The following PTPRD variants were observed in gnomAD, a reference collection of about 807,000 sequenced individuals.
PTPRD encodes receptor-type tyrosine-protein phosphatase delta.
PTPRD carries 34 observed loss-of-function variants against 214.5 expected under a neutral mutation model. The ratio of observed to expected loss-of-function variants is 0.16; its 90% CI spans 0.12 to 0.21. The LOEUF is 0.21. PTPRD is among the 10% of genes least tolerant of loss of function. The pLI is 1.00. For missense variants in PTPRD, 2,545 were observed against 2,398.7 expected (o/e 1.06, Z -1.27); for synonymous variants, 1,128 against 845.7 (o/e 1.33, Z -5.79).
chr9:10,212,859 A>T (rs909396557), intron 3 of PTPRD, among the ~76,000 whole-genome samples: 1 of 152,162 alleles, frequency 6.6e-6, no homozygotes, highest in African/African-American at 2.4e-5. Flanking sequence ...GGCTTGAGTG[A>T]TTGCACGTCT....
At chr9:9,310,228 T>C (rs1958510876) in intron 9 of PTPRD, among the ~76,000 whole-genome samples, 1 of 151,966 alleles carries the variant, frequency 6.6e-6, no homozygotes, top group Admixed American at 6.6e-5. Flanking sequence ...AGAGAAAGCA[T>C]TTGGGGATTT....
At chr9:10,578,265 C>T (rs1188435743) in intron 2 of PTPRD, among the ~76,000 whole-genome samples, 1 of 151,962 alleles carries the variant, frequency 6.6e-6, no homozygotes, top group Non-Finnish European at 1.5e-5. Flanking sequence ...TTTCTAAACA[C>T]AATTAGATGC....
intron 10 of PTPRD, among the ~76,000 whole-genome samples, chr9:9,114,993 G>A (rs990905629): frequency 3.3e-5 from 5 of 152,108 alleles, no homozygotes; most frequent in African/African-American, 1.2e-4. Context: ...ATGGTTGTGC[G>A]CAGATTTTAG....
At chr9:9,320,266 TC>T (rs761096896) in intron 9 of PTPRD, among the ~76,000 whole-genome samples, 3 of 152,126 alleles carry the variant, frequency 2.0e-5, no homozygotes, top group Non-Finnish European at 4.4e-5. Flanking sequence ...ACTTTTTTTT[TC>T]CCTCACATAT....
intron 8 of PTPRD, among the ~76,000 whole-genome samples, chr9:9,554,678 T>C (rs1463207880): frequency 6.6e-6 from 1 of 151,950 alleles, no homozygotes; most frequent in Non-Finnish European, 1.5e-5. Context: ...TCAACTCCAG[T>C]GTCTTCAAAT....
At chr9:8,794,990 T>G (rs1452889453) in intron 11 of PTPRD, among the ~76,000 whole-genome samples, 1 of 125,268 alleles carries the variant, frequency 8.0e-6, no homozygotes. Flanking sequence ...AAAACAAAGT[T>G]GTTTATCTTC....
At chr9:8,878,191 G>A (rs1226482348) in intron 11 of PTPRD, among the ~76,000 whole-genome samples, 4 of 152,302 alleles carry the variant, frequency 2.6e-5, no homozygotes, top group African/African-American at 7.2e-5. Flanking sequence ...GTGTCTTAGT[G>A]TTCCCAGGAG....
At chr9:9,759,352 C>T (rs1450849386) in intron 6 of PTPRD, among the ~76,000 whole-genome samples, 1 of 152,054 alleles carries the variant, frequency 6.6e-6, no homozygotes, top group African/African-American at 2.4e-5. Context: ...TAGTCTTGGT[C>T]GCTCCTCAAG....
intron 2 of PTPRD, chr9:10,532,127 T>C (rs1486691601): frequency 6.6e-6 from 1 of 152,180 alleles, no homozygotes. Context: ...AGCTTATATA[T>C]AAGATTTTAG....
At chr9:9,681,319 C>G (rs2097065366) in intron 7 of PTPRD, among the ~76,000 whole-genome samples, 1 of 151,646 alleles carries the variant, frequency 6.6e-6, no homozygotes, top group African/African-American at 2.4e-5. Context: ...AATATGGACT[C>G]AACTATTATC....
intron 4 of PTPRD, among the ~76,000 whole-genome samples, chr9:9,940,327 C>T (rs2091078048): frequency 1.3e-5 from 2 of 152,182 alleles, no homozygotes; most frequent in African/African-American, 2.4e-5. Flanking sequence ...ACTAGACTAC[C>T]TATGGGACAA....
chr9:9,395,827 A>G (rs2067580249), intron 9 of PTPRD, among the ~76,000 whole-genome samples: 1 of 152,104 alleles, frequency 6.6e-6, no homozygotes, highest in South Asian at 2.1e-4. Context: ...TTCAAGCATA[A>G]TAATGACGAT....
chr9:9,966,074 T>C (rs2094675051), intron 4 of PTPRD, among the ~76,000 whole-genome samples: 1 of 152,130 alleles, frequency 6.6e-6, no homozygotes, highest in African/African-American at 2.4e-5. Context: ...CACTTTGGTA[T>C]TTACACATAG....
chr9:8,561,927 A>G (rs908821156), intron 14 of PTPRD, among the ~76,000 whole-genome samples: 3 of 152,112 alleles, frequency 2.0e-5, no homozygotes, highest in African/African-American at 7.2e-5. Context: ...ATCCATCTTG[A>G]AAAAATGCAT....
intron 14 of PTPRD, among the ~76,000 whole-genome samples, chr9:8,570,896 A>G (rs1206589130): frequency 2.0e-5 from 3 of 151,892 alleles, no homozygotes; most frequent in Non-Finnish European, 4.4e-5. Context: ...ATGGAGTTCA[A>G]GCTGAATGGG....
At chr9:10,230,070 A>G (rs1246623624) in intron 3 of PTPRD, among the ~76,000 whole-genome samples, 2 of 152,022 alleles carry the variant, frequency 1.3e-5, no homozygotes, top group African/African-American at 2.4e-5. Context: ...AAGCTGGTGC[A>G]TTAGTCAGAG....
intron 5 of PTPRD, among the ~76,000 whole-genome samples, chr9:9,789,262 C>A (rs2098949249): frequency 6.6e-6 from 1 of 152,132 alleles, no homozygotes; most frequent in Non-Finnish European, 1.5e-5. Flanking sequence ...CCAAGGTAAG[C>A]ATCATCAAGC....
rs374364563 is a variant in PTPRD, at chr9:8,997,258, C to T, written c.-104+21439G>A. 5.9e-5 allele frequency among the ~76,000 whole-genome samples: 9 copies of T among 152,216 alleles called. No individual in the cohort carries two copies. In the South Asian group the frequency reaches 1.2e-3, roughly 21 times the overall value. On this transcript the variant is annotated intron_variant, in intron 11 of 45. Transcript: ENST00000381196. ...ATGGTGCTTTGTTTTTTCTGCTTCACAAATATTGTGTCTTTTACAAATTGA... is the reference window on the plus strand; with the variant it reads ...ATGGTGCTTTGTTTTTTCTGCTTCATAAATATTGTGTCTTTTACAAATTGA...
At chr9:9,820,968 G>C (rs1238900241) in intron 5 of PTPRD, among the ~76,000 whole-genome samples, 4 of 151,892 alleles carry the variant, frequency 2.6e-5, no homozygotes, top group Non-Finnish European at 2.9e-5. Flanking sequence ...CTATTTTTTG[G>C]TTCCATATGA....
Sources: gnomAD v4.1 joint callset for allele counts (sites outside exome capture counted in the v4.1 genomes callset) on GRCh38, gnomAD v4.1.1 for gene constraint, MANE v1.5 for transcripts, NCBI Gene and HGNC (gene_info 2026-07-23, HGNC 2026-07-21) for gene names.